The following GAS2L2 variants were observed in gnomAD, a reference collection of about 807,000 sequenced individuals.
The protein encoded by GAS2L2 is growth arrest specific 2 like 2.
In GAS2L2, 21 loss-of-function variants were observed where a neutral mutation model predicts 35.2. The ratio of observed to expected loss-of-function variants is 0.60; its 90% confidence interval spans 0.42 to 0.86. The LOEUF is 0.86. GAS2L2 is among the 40% of genes least tolerant of loss of function. The pLI is 0.00. For synonymous variants in GAS2L2, 490 were observed against 473.2 expected (o/e 1.04, Z -0.46); for missense variants, 1,169 against 1,144.4 (o/e 1.02, Z -0.31).
At chr17:35,751,607 G>A (rs2085703611) in intron 1 of GAS2L2, among the ~76,000 whole-genome samples, 1 of 151,410 alleles carries the variant, frequency 6.6e-6, no homozygotes, top group Non-Finnish European at 1.5e-5. Context: ...GGTGAAGGTT[G>A]CAGTGAGCCA....
chr17:35,752,571 G>A lies in GAS2L2; in HGVS notation c.280C>T (p.Arg94Trp), dbSNP rs373031135. ...GCCCCATTGCAGGAGACCCCGACCC[G>A]GGGCATGGGAATCTTCTGGGCTTGG... Reference protein sequence around the residue: ...PAQAQKIPMPRVGVSCNGAAQ... With the variant: ...PAQAQKIPMPWVGVSCNGAAQ... Residue 94 changes from arginine (R) to tryptophan (W), a missense_variant, in exon 1 of 6, where the codon CGG becomes TGG. Around this residue, in one of 3 missense-constraint regions of GAS2L2, gnomAD observed 127 missense variants for 146.1 expected, o/e 0.87. Coordinates refer to ENST00000604641, the MANE Select transcript of GAS2L2 (RefSeq NM_139285.4). 4.0e-5 allele frequency: 65 copies of A among 1,613,794 alleles called. No homozygotes were observed. Among genetic ancestry groups the A allele is most frequent in the African/African-American group, 9.3e-5 (7 of 74,936 alleles).
chr17:35,750,014 TG>T, intron 2 of GAS2L2, 62 bp downstream of exon 2: 1 of 1,525,976 alleles, frequency 6.6e-7, no homozygotes, highest in Non-Finnish European at 8.8e-7. Context: ...GGAGTGGGAC[TG>T]GGGAGAGGAG....
chr17:35,746,772 T>C (rs1555599041), intron 5 of GAS2L2, among the ~76,000 whole-genome samples: 1 of 152,146 alleles, frequency 6.6e-6, no homozygotes, highest in East Asian at 1.9e-4. Flanking sequence ...TACCATGAAA[T>C]GGTAGGAAAC....
rs782484178 is a variant in GAS2L2 at position 35,745,894 on chromosome 17, G to T, written c.1603C>A (p.Pro535Thr). The change falls in exon 6 of 6, where the codon CCC becomes ACC. Residue 535 changes from proline (P) to threonine (T), a missense_variant. Pro to Thr is a conservative substitution (Grantham distance 38). Around this residue, in one of 3 missense-constraint regions of GAS2L2, gnomAD observed 1,035 missense variants for 976.5 expected, o/e 1.06. Transcript: ENST00000604641. ...GSPRTELGRD[P>T]IPLRAVTVDL... ...ACAGTGACGGCCCTTAGTGGGATGG[G>T]GTCTCTCCCAAGTTCTGTCCTGGGA... The T allele has an allele frequency of 5.6e-6, 9 of 1,613,206 alleles. No homozygotes were observed. In the African/African-American group the frequency reaches 9.3e-5, roughly 17 times the overall value.
Position 35,746,363 on chromosome 17 carries a change from C to T in GAS2L2, c.1134G>A (p.Gly378=). 1 of 1,355,170 alleles carries T rather than the reference C, an allele frequency of 7.4e-7. No individual in the cohort carries two copies. Among genetic ancestry groups the T allele is most frequent in the Non-Finnish European group, 9.6e-7 (1 of 1,045,864 alleles). 83.9% of individuals were successfully genotyped at this position (1,355,170 alleles called of 1,614,324 possible). Residue 378 remains glycine, a synonymous_variant, in exon 6 of 6, where the codon GGG becomes GGA. Transcript: ENST00000604641. ...LIPSWRQPTA[G]DSPPSPQSSS... is the part of the protein sequence containing the mutation. The stretch of plus-strand genomic sequence containing the variant: ...AGGACTGGGGGCTGGGTGGGCTGTC[C>T]CCAGCTGTCGGCTGCCTCCAAGATG...
intron 1 of GAS2L2, 48 bp downstream of exon 1, chr17:35,752,418 C>A (rs369137167): frequency 2.0e-6 from 3 of 1,517,506 alleles, no homozygotes; most frequent in African/African-American, 2.8e-5. Context: ...GGACCAATAC[C>A]CCCCAAGATA....
Position 35,745,278 on chromosome 17 carries a change from G to A in GAS2L2, c.2219C>T (p.Thr740Ile). Residue 740 changes from threonine (T) to isoleucine (I), a missense_variant, in exon 6 of 6, where the codon ACA becomes ATA. Thr to Ile is a moderately conservative substitution (Grantham distance 89, BLOSUM62 -1). This residue lies in a region of GAS2L2 where 1,035 missense variants were observed against 976.5 expected (regional missense o/e 1.06). Transcript: ENST00000604641. Reference protein sequence around the residue: ...STVSASPEAPTPSPLDPNSDK... With the variant: ...STVSASPEAPIPSPLDPNSDK... ...AGAGTTGGGGTCCAAGGGCGAAGGT[G>A]TGGGGGCCTCCGGGCTGGCAGACAC... 6.2e-7 allele frequency: 1 copy of A among 1,611,672 alleles called. No homozygotes were observed. Among genetic ancestry groups the A allele is most frequent in the South Asian group, 1.1e-5 (1 of 90,744 alleles).
At chr17:35,750,373 T>C (rs2085696807) in intron 1 of GAS2L2, 55 bp from the exon 2 acceptor site, 1 of 1,610,614 alleles carries the variant, frequency 6.2e-7, no homozygotes, top group Non-Finnish European at 8.5e-7. Context: ...CCAGAGGACC[T>C]GAGCCTCCGG....
chr17:35,752,723 C>G lies in GAS2L2; in HGVS notation c.128G>C (p.Arg43Pro). The change falls in exon 1 of 6, where the codon CGC becomes CCC. Residue 43 changes from arginine (R) to proline (P), a missense_variant. This residue lies in a region of GAS2L2 where 127 missense variants were observed against 146.1 expected (regional missense o/e 0.87). Coordinates refer to ENST00000604641, the MANE Select transcript of GAS2L2 (RefSeq NM_139285.4). The stretch of plus-strand genomic sequence containing the variant: ...GTCGATGTCCAGCCCATAGAGGTCG[C>G]GAAGCCACTCAGCCAGGTCTTCCTT... ...AMKEDLAEWL[R>P]DLYGLDIDAA... The G allele has an allele frequency of 6.2e-7, 1 of 1,613,980 alleles. No homozygotes were observed. The highest frequency in any genetic ancestry group is 8.5e-7 in the Non-Finnish European group (1 of 1,180,040).
intron 4 of GAS2L2, 99 bp downstream of exon 4, chr17:35,747,750 G>T: frequency 2.1e-6 from 2 of 952,800 alleles, no homozygotes; most frequent in East Asian, 2.5e-5. Context: ...CTCCCCTCCT[G>T]GAGATCAGAC....
Position 35,752,555 on chromosome 17 carries a change from C to A in GAS2L2, c.296G>T (p.Cys99Phe). Reference sequence around the variant, plus strand: ...GGTACCTGGCTGGGCGGCCCCATTGCAGGAGACCCCGACCCGGGGCATGGG... The same window carrying A: ...GGTACCTGGCTGGGCGGCCCCATTGAAGGAGACCCCGACCCGGGGCATGGG... Reference protein sequence around the residue: ...KIPMPRVGVSCNGAAQPGTFQ... With the variant: ...KIPMPRVGVSFNGAAQPGTFQ... Residue 99 changes from cysteine to phenylalanine, a missense_variant, in exon 1 of 6, where the codon TGC becomes TTC. Transcript: ENST00000604641. 6.2e-7 allele frequency: 1 copy of A among 1,613,746 alleles called. No homozygotes were observed. The highest frequency in any genetic ancestry group is 1.1e-5 in the South Asian group (1 of 91,084).
In GAS2L2 at chr17:35,753,101, C is replaced by G. The variant is rs2085714302; in HGVS notation, c.-251G>C. ...CTGGTGGCCCTGCAGCAACCTTGCT[C>G]TCAGGCTGCCCAGTCCACTTGGAGT... On this transcript the variant is annotated 5_prime_UTR_variant, in exon 1 of 6. Coordinates refer to ENST00000604641, the MANE Select transcript of GAS2L2 (RefSeq NM_139285.4). 6.6e-6 allele frequency among the ~76,000 whole-genome samples: 1 copy of G among 152,186 alleles called. No individual in the cohort carries two copies. Among genetic ancestry groups the G allele is most frequent in the African/African-American group, 2.4e-5 (1 of 41,446 alleles).
At position 35,745,693 on chromosome 17, in the gene GAS2L2, A is replaced by T. The variant is rs1026413054; in HGVS notation, c.1804T>A (p.Cys602Ser). 6.2e-7 allele frequency: 1 copy of T among 1,613,996 alleles called. No homozygotes were observed. The highest frequency in any genetic ancestry group is 8.5e-7 in the Non-Finnish European group (1 of 1,180,046). Residue 602 changes from cysteine (C) to serine (S), a missense_variant, in exon 6 of 6, where the codon TGT becomes AGT. By Grantham distance (112) the Cys-to-Ser change is moderately radical. This residue lies in a region of GAS2L2 where 1,035 missense variants were observed against 976.5 expected (regional missense o/e 1.06). Transcript: ENST00000604641. ...LGGNKEQAIY[C>S]SLEEEILGNM... ...CCCAAAATCTCCTCTTCAAGGCTAC[A>T]GTAGATGGCTTGCTCCTTGTTCCCG...
intron 2 of GAS2L2, 146 bp downstream of exon 2, chr17:35,749,931 C>CTT (rs1296471115): frequency 2.7e-6 from 2 of 740,102 alleles, no homozygotes; most frequent in Non-Finnish European, 4.5e-6. Flanking sequence ...TGGAACCGTG[C>CTT]CTTAAAGCCA....
At chr17:35,747,297 G>A (rs782555021) in intron 4 of GAS2L2, 29 bp from the exon 5 acceptor site, 16 of 1,581,894 alleles carry the variant, frequency 1.0e-5, no homozygotes, top group East Asian at 4.5e-5. Context: ...AGAAAGGAGA[G>A]GAGAGAAGGG....
In GAS2L2 at chr17:35,747,146, G is replaced by T. The variant is rs1555599098; in HGVS notation, c.955C>A (p.Pro319Thr). The change falls in exon 5 of 6, where the codon CCC (proline) becomes ACC (threonine). Residue 319 changes from proline to threonine, a missense_variant. By Grantham distance (38) the Pro-to-Thr change is conservative (BLOSUM62 -1). Coordinates refer to ENST00000604641, the MANE Select transcript of GAS2L2 (RefSeq NM_139285.4). ...GTATATGTCTTCCAGTCCACAGGGG[G>T]TGGTGGGCTCTGTGAGCGGCTGATG... is the stretch of plus-strand genomic sequence containing the variant. Reference protein sequence around the residue: ...MTISRSQSPPPPVDWKTYTSS... With the variant: ...MTISRSQSPPTPVDWKTYTSS... The T allele has an allele frequency of 3.7e-6, 6 of 1,614,000 alleles. No homozygotes were observed. Among genetic ancestry groups the T allele is most frequent in the Admixed American group, 1.7e-5 (1 of 60,024 alleles).
chr17:35,747,229 G>T lies in GAS2L2; in HGVS notation c.872C>A (p.Pro291Gln). The T allele has an allele frequency of 6.2e-7, 1 of 1,613,484 alleles. No individual in the cohort carries two copies. Among genetic ancestry groups the T allele is most frequent in the Non-Finnish European group, 8.5e-7 (1 of 1,179,748 alleles). Reference sequence around the variant, plus strand: ...CTGTACCCTTACTTCATGCTGCACTGGTGGGGCCGGGGGCTTCAGGAAGCT... The same window carrying T: ...CTGTACCCTTACTTCATGCTGCACTTGTGGGGCCGGGGGCTTCAGGAAGCT... Reference protein sequence around the residue: ...PGSFLKPPAPPVQHEVRVQDG... With the variant: ...PGSFLKPPAPQVQHEVRVQDG... Residue 291 changes from proline to glutamine, a missense_variant, in exon 5 of 6, where the codon CCA becomes CAA. By Grantham distance (76) the Pro-to-Gln change is moderately conservative (BLOSUM62 -1). Coordinates refer to ENST00000604641, the MANE Select transcript of GAS2L2 (RefSeq NM_139285.4).
At position 35,750,069 on chromosome 17, in the gene GAS2L2, C is replaced by A. The variant is rs782095789; in HGVS notation, c.627+8G>T. On this transcript the variant is annotated splice_region_variant and intron_variant, in intron 2 of 5. Transcript: ENST00000604641. The stretch of plus-strand genomic sequence containing the variant: ...GGGGGCCCTGAGGGCGTGTGCAGAG[C>A]CCCTCACCATCTGGTCCAGGTTGCG... The A allele has an allele frequency of 6.2e-7, 1 of 1,603,214 alleles. No individual in the cohort carries two copies. Among genetic ancestry groups the A allele is most frequent in the South Asian group, 1.1e-5 (1 of 90,316 alleles).
chr17:35,746,444 G>A, intron 5 of GAS2L2, 33 bp from the exon 6 acceptor site: 2 of 1,298,568 alleles, frequency 1.5e-6, no homozygotes, highest in Non-Finnish European at 2.0e-6. Flanking sequence ...TGCAAAGGGA[G>A]ACTCATCAGG....
Sources: gnomAD v4.1 joint callset for allele counts (sites outside exome capture counted in the v4.1 genomes callset) on GRCh38, gnomAD v4.1.1 for gene constraint, gnomAD v4.1.1 regional missense constraint, MANE v1.5 for transcripts, NCBI Gene and HGNC (gene_info 2026-07-23, HGNC 2026-07-21) for gene names.